RPTOR: variants seen among roughly 807,000 people sequenced by gnomAD.
The protein encoded by RPTOR is regulatory-associated protein of mTOR.
Under a neutral mutation model 169.9 loss-of-function variants are expected in RPTOR, and 21 were observed. The observed-to-expected ratio is 0.12, with a 90% confidence interval of 0.09 to 0.18. The LOEUF (loss-of-function observed/expected upper bound fraction) is 0.18, where lower values mean the gene tolerates loss of function less well. RPTOR is among the 10% of genes least tolerant of loss of function. The pLI is 1.00. For missense variants in RPTOR, 1,133 were observed against 1,855.9 expected, an observed-to-expected ratio of 0.61 and a Z score of 7.16; for synonymous variants, 732 against 753.2, an observed-to-expected ratio of 0.97 and a Z score of 0.46.
At chr17:80,828,607 C>T (rs1293510554) in intron 9 of RPTOR, among the ~76,000 whole-genome samples, 1 of 152,246 alleles carries the variant, frequency 6.6e-6, no homozygotes, top group East Asian at 1.9e-4. Flanking sequence ...CACCCACCTG[C>T]CTGCCCACCG....
intron 3 of RPTOR, among the ~76,000 whole-genome samples, chr17:80,686,393 G>A (rs1025661993): frequency 6.7e-6 from 1 of 149,706 alleles, no homozygotes; most frequent in Non-Finnish European, 1.5e-5. Flanking sequence ...CACCGTGTTA[G>A]CCAGGATGCA....
chr17:80,809,512 A>T (rs1381114420), intron 7 of RPTOR, among the ~76,000 whole-genome samples: 1 of 152,230 alleles, frequency 6.6e-6, no homozygotes, highest in Admixed American at 6.5e-5. Flanking sequence ...GTATAACACA[A>T]TATCATTATT....
At chr17:80,602,506 G>A (rs868412692) in intron 1 of RPTOR, 7 of 400,732 alleles carry the variant, frequency 1.7e-5, no homozygotes, top group African/African-American at 1.5e-4. Flanking sequence ...TTTTGGTGGG[G>A]GGGAGTTTTA....
intron 9 of RPTOR, among the ~76,000 whole-genome samples, chr17:80,829,023 G>A (rs2067474778): frequency 6.6e-6 from 1 of 152,198 alleles, no homozygotes; most frequent in Non-Finnish European, 1.5e-5. Context: ...CATTAATGAT[G>A]CTTGTGCCAG....
At chr17:80,897,026 G>A (rs929133371) in intron 20 of RPTOR, among the ~76,000 whole-genome samples, 7 of 152,164 alleles carry the variant, frequency 4.6e-5, no homozygotes, top group South Asian at 2.1e-4. Context: ...TTTGGGAGGC[G>A]GAGGCCGAGA....
intron 3 of RPTOR, among the ~76,000 whole-genome samples, chr17:80,703,051 G>A (rs895969745): frequency 2.0e-5 from 3 of 152,186 alleles, no homozygotes; most frequent in African/African-American, 7.2e-5. Flanking sequence ...ATGGGCCCGT[G>A]CTCCAGGGAG....
intron 4 of RPTOR, among the ~76,000 whole-genome samples, chr17:80,718,096 C>T (rs2066254829): frequency 6.6e-6 from 1 of 152,064 alleles, no homozygotes; most frequent in African/African-American, 2.4e-5. Context: ...TGCTGTGTAC[C>T]TAGGCACAAA....
intron 3 of RPTOR, among the ~76,000 whole-genome samples, chr17:80,685,050 G>A (rs1567856126): frequency 6.6e-6 from 1 of 152,006 alleles, no homozygotes; most frequent in African/African-American, 2.4e-5. Flanking sequence ...TGTGTATGTA[G>A]TTTTTTTCTA....
chr17:80,904,342 G>T (rs144746011), intron 20 of RPTOR, among the ~76,000 whole-genome samples: 1 of 152,146 alleles, frequency 6.6e-6, no homozygotes, highest in Non-Finnish European at 1.5e-5. Context: ...GGCGTAACCC[G>T]CTCTGCCAAC....
rs532003847 is a variant in RPTOR at position 80,715,943 on chromosome 17, A to G, written c.507+7944A>G. On this transcript the variant is annotated intron_variant, in intron 4 of 33. Transcript: ENST00000306801. The stretch of plus-strand genomic sequence containing the variant: ...TAGTATTCCATCATGTATATATACC[A>G]TATTTTCTTTATCCACTCATTGATT... Among the ~76,000 whole-genome samples, 166 of 152,336 alleles carry G rather than the reference A, an allele frequency of 1.1e-3. 2 individuals are homozygous for G. The highest frequency in any genetic ancestry group is 2.5e-3 in the Admixed American group (38 of 15,302).
chr17:80,579,414 A>T (rs1035418333), intron 1 of RPTOR, among the ~76,000 whole-genome samples: 1 of 151,844 alleles, frequency 6.6e-6, no homozygotes, highest in Non-Finnish European at 1.5e-5. Context: ...CTGGTTTCGA[A>T]CTCCCGACCT....
chr17:80,661,626 G>C (rs2065724749), intron 3 of RPTOR, among the ~76,000 whole-genome samples: 1 of 152,078 alleles, frequency 6.6e-6, no homozygotes, highest in Admixed American at 6.6e-5. Flanking sequence ...GTCTCTCCCC[G>C]GCGCTCCTAT....
chr17:80,888,122 G>T (rs139813142), intron 17 of RPTOR, among the ~76,000 whole-genome samples: 359 of 152,260 alleles, frequency 2.4e-3, no homozygotes, highest in African/African-American at 8.3e-3. Context: ...TATTTTATTT[G>T]TTTTATTTTA....
At chr17:80,556,446 G>C (rs974349975) in intron 1 of RPTOR, among the ~76,000 whole-genome samples, 3 of 152,172 alleles carry the variant, frequency 2.0e-5, no homozygotes, top group African/African-American at 7.2e-5. Context: ...GGGAGGTTGA[G>C]GCTGCAGTAG....
At chr17:80,736,992 G>T (rs2066438843) in intron 5 of RPTOR, among the ~76,000 whole-genome samples, 1 of 152,164 alleles carries the variant, frequency 6.6e-6, no homozygotes. Flanking sequence ...TTTGTCATTT[G>T]TAGGCAGTAG....
intron 24 of RPTOR, among the ~76,000 whole-genome samples, chr17:80,926,494 C>G (rs1246202218): frequency 2.0e-5 from 3 of 152,180 alleles, no homozygotes; most frequent in Non-Finnish European, 4.4e-5. Context: ...AGAAAATAAT[C>G]AGAGATGTAG....
chr17:80,739,417 A>G (rs984281822), intron 5 of RPTOR, among the ~76,000 whole-genome samples: 1 of 145,028 alleles, frequency 6.9e-6, no homozygotes, highest in Non-Finnish European at 1.5e-5. Context: ...GAGATCAGAA[A>G]AGAAGTTAGG....
At chr17:80,942,378 C>T (rs1329340594) in intron 25 of RPTOR, among the ~76,000 whole-genome samples, 3 of 148,952 alleles carry the variant, frequency 2.0e-5, no homozygotes, top group Non-Finnish European at 4.4e-5. Context: ...GAAACAGAGC[C>T]GGCATTCGAG....
intron 1 of RPTOR, among the ~76,000 whole-genome samples, chr17:80,599,886 T>G (rs947917251): frequency 6.6e-6 from 1 of 152,332 alleles, no homozygotes; most frequent in Non-Finnish European, 1.5e-5. Context: ...TCATCTAGTT[T>G]AGGAGATTTC....
Sources: gnomAD v4.1 joint callset for allele counts (sites outside exome capture counted in the v4.1 genomes callset) on GRCh38, gnomAD v4.1.1 for gene constraint, MANE v1.5 for transcripts, NCBI Gene and HGNC (gene_info 2026-07-23, HGNC 2026-07-21) for gene names.